PPP2R2B: variants seen among roughly 807,000 people sequenced by gnomAD.
PPP2R2B encodes the protein protein phosphatase 2 regulatory subunit Bbeta.
PPP2R2B carries 5 observed loss-of-function variants against 46.0 expected under a neutral mutation model. The ratio of observed to expected loss-of-function variants is 0.11; its 90% CI spans 0.06 to 0.23. The LOEUF is 0.23. Among genes scored for constraint, PPP2R2B ranks in the 10% least tolerant of loss-of-function variants. The probability of loss-of-function intolerance (pLI) is 1.00; values close to 1 mark genes in which losing one functional copy is unlikely to be tolerated. For missense variants in PPP2R2B, 367 were observed against 575.0 expected (o/e 0.64, Z 3.70); for synonymous variants, 215 against 206.7 (o/e 1.04, Z -0.34).
At chr5:146,683,047 A>G (rs1285996832) in intron 5 of PPP2R2B, among the ~76,000 whole-genome samples, 1 of 152,196 alleles carries the variant, frequency 6.6e-6, no homozygotes, top group African/African-American at 2.4e-5. Flanking sequence ...AATATGGCCG[A>G]GAAATACGGG....
At chr5:146,975,805 G>A (rs1752873970) in intron 1 of PPP2R2B, among the ~76,000 whole-genome samples, 1 of 152,022 alleles carries the variant, frequency 6.6e-6, no homozygotes, top group African/African-American at 2.4e-5. Flanking sequence ...ATCTATTCAG[G>A]TCCTTTGTTC....
intron 2 of PPP2R2B, among the ~76,000 whole-genome samples, chr5:146,756,269 T>C (rs1015488694): frequency 1.3e-5 from 2 of 152,198 alleles, no homozygotes; most frequent in African/African-American, 2.4e-5. Flanking sequence ...CATTGCCTCA[T>C]TTAATGGGCA....
intron 1 of PPP2R2B, among the ~76,000 whole-genome samples, chr5:147,002,240 CA>C (rs932636994): frequency 3.3e-5 from 5 of 152,104 alleles, no homozygotes; most frequent in African/African-American, 1.2e-4. Context: ...AATTTTTGCC[CA>C]AAGCCCTGTT....
upstream of PPP2R2B, among the ~76,000 whole-genome samples, chr5:146,880,505 G>A (rs1762131384): frequency 6.6e-6 from 1 of 152,124 alleles, no homozygotes. Flanking sequence ...AGCAGAGTGG[G>A]GAAAAGCTAA....
upstream of PPP2R2B, among the ~76,000 whole-genome samples, chr5:146,882,087 C>T (rs1197698207): frequency 2.0e-5 from 3 of 151,966 alleles, no homozygotes; most frequent in African/African-American, 7.2e-5. Context: ...GCCATCCTGG[C>T]TAACATGGTG....
At chr5:146,701,582 T>C (rs967640341) in intron 2 of PPP2R2B, among the ~76,000 whole-genome samples, 2 of 152,144 alleles carry the variant, frequency 1.3e-5, no homozygotes, top group Non-Finnish European at 2.9e-5. Context: ...GTTAGGATGC[T>C]TGAAGCTTAG....
chr5:146,725,177 CA>C (rs1751786130), intron 2 of PPP2R2B, among the ~76,000 whole-genome samples: 8 of 152,112 alleles, frequency 5.3e-5, no homozygotes. Flanking sequence ...CACACAATTT[CA>C]AGAAAACAGT....
chr5:147,071,438 T>G (rs1757595461), intron 2 of PPP2R2B, among the ~76,000 whole-genome samples: 1 of 152,156 alleles, frequency 6.6e-6, no homozygotes, highest in African/African-American at 2.4e-5. Flanking sequence ...TTTATAATGG[T>G]TTATAAGGTC....
intron 2 of PPP2R2B, among the ~76,000 whole-genome samples, chr5:146,737,598 T>C (rs1752615206): frequency 6.6e-6 from 1 of 152,120 alleles, no homozygotes; most frequent in Middle Eastern, 3.2e-3. Context: ...CCATTCCGCT[T>C]TTTTTTGCCA....
chr5:146,632,061 G>GGGCC (rs1774459067), intron 7 of PPP2R2B, among the ~76,000 whole-genome samples: 2 of 103,996 alleles, frequency 1.9e-5, no homozygotes, highest in African/African-American at 3.5e-5. Flanking sequence ...GCTGAGTTGT[G>GGGCC]CCCCCCCCCC....
intron 5 of PPP2R2B, among the ~76,000 whole-genome samples, chr5:146,666,272 T>C (rs3099044): frequency 0.94 from 143,273 of 152,218 alleles, 67,791 homozygotes; most frequent in East Asian, 1. Flanking sequence ...TGTTAATATA[T>C]GTATTCATAG....
At chr5:147,009,669 C>T (rs1025824556) in intron 1 of PPP2R2B, among the ~76,000 whole-genome samples, 2 of 151,694 alleles carry the variant, frequency 1.3e-5, no homozygotes, top group African/African-American at 4.8e-5. Context: ...AAACTGAAAA[C>T]CTAAAGATAT....
At chr5:146,842,485 T>TTG (rs1335106563) in intron 2 of PPP2R2B, among the ~76,000 whole-genome samples, 2 of 147,330 alleles carry the variant, frequency 1.4e-5, no homozygotes, top group African/African-American at 5.2e-5. Context: ...CATGCCCTTT[T>TTG]TTTTTTTTTT....
At chr5:147,076,992 T>C (rs552090702) in intron 2 of PPP2R2B, among the ~76,000 whole-genome samples, 2 of 142,388 alleles carry the variant, frequency 1.4e-5, no homozygotes, top group Admixed American at 6.8e-5. Context: ...TGCACATAAG[T>C]ATCTTGCACC....
chr5:146,743,673 A>G (rs1343096572), intron 2 of PPP2R2B, among the ~76,000 whole-genome samples: 1 of 152,074 alleles, frequency 6.6e-6, no homozygotes, highest in Non-Finnish European at 1.5e-5. Flanking sequence ...AACTTATTTC[A>G]TTTCCCTTCC....
intron 2 of PPP2R2B, among the ~76,000 whole-genome samples, chr5:146,857,932 C>G (rs1042723931): frequency 1.3e-5 from 2 of 152,212 alleles, no homozygotes; most frequent in African/African-American, 4.8e-5. Flanking sequence ...GGTGATCCGC[C>G]TGCCTTTGGC....
chr5:146,967,981 G>A (rs543675294), intron 1 of PPP2R2B, among the ~76,000 whole-genome samples: 9 of 152,118 alleles, frequency 5.9e-5, no homozygotes, highest in South Asian at 2.1e-4. Context: ...TATATAAGCC[G>A]CATGCACCAC....
At chr5:147,060,523 G>A (rs1473559039), upstream of PPP2R2B, among the ~76,000 whole-genome samples, 1 of 152,112 alleles carries the variant, frequency 6.6e-6, no homozygotes, top group Non-Finnish European at 1.5e-5. Flanking sequence ...TGCCACTTGG[G>A]GGGCTGAAGC....
intron 2 of PPP2R2B, among the ~76,000 whole-genome samples, chr5:146,768,697 G>A (rs1005831005): frequency 1.3e-5 from 2 of 152,062 alleles, no homozygotes; most frequent in Admixed American, 6.6e-5. Context: ...TCTGACATTG[G>A]GCCCACATCT....
Sources: gnomAD v4.1 joint callset for allele counts (sites outside exome capture counted in the v4.1 genomes callset) on GRCh38, gnomAD v4.1.1 for gene constraint, MANE v1.5 for transcripts, NCBI Gene and HGNC (gene_info 2026-07-23, HGNC 2026-07-21) for gene names.